The following SLC25A48 variants were observed in gnomAD, a reference collection of about 807,000 sequenced individuals.
SLC25A48 encodes the protein solute carrier family 25 member 48, also known as CTC-321K16.1.
Under a neutral mutation model 32.2 loss-of-function variants are expected in SLC25A48, and 29 were observed. The ratio of observed to expected loss-of-function variants is 0.90; its 90% CI spans 0.67 to 1.23. The LOEUF (loss-of-function observed/expected upper bound fraction) is 1.23, where lower values mean the gene tolerates loss of function less well. Among genes scored for constraint, SLC25A48 ranks in the 50% most tolerant of loss-of-function variants. SLC25A48 has a pLI of 0.00. For synonymous variants in SLC25A48, 164 were observed against 172.3 expected, an observed-to-expected ratio of 0.95 and a Z score of 0.38; for missense variants, 399 against 422.7, an observed-to-expected ratio of 0.94 and a Z score of 0.49.
chr5:135,597,714 C>T (rs1206496713), intron 1 of SLC25A48, among the ~76,000 whole-genome samples: 1 of 152,148 alleles, frequency 6.6e-6, no homozygotes, highest in East Asian at 1.9e-4. Flanking sequence ...TTTCCAAAGT[C>T]CCCACCTAGC....
chr5:135,714,488 C>T (rs1009940647), intron 3 of SLC25A48, among the ~76,000 whole-genome samples: 5 of 152,184 alleles, frequency 3.3e-5, no homozygotes, highest in African/African-American at 1.2e-4. Context: ...CCCACCATGT[C>T]GGGCTTGCAG....
intron 3 of SLC25A48, among the ~76,000 whole-genome samples, chr5:135,702,472 C>T (rs186205197): frequency 6.6e-6 from 1 of 152,358 alleles, no homozygotes; most frequent in Non-Finnish European, 1.5e-5. Flanking sequence ...AGAGCGGATT[C>T]TTCCCTGGGA....
intron 3 of SLC25A48, among the ~76,000 whole-genome samples, chr5:135,673,429 T>G (rs376152813): frequency 6.6e-6 from 1 of 152,302 alleles, no homozygotes; most frequent in East Asian, 1.9e-4. Context: ...TGTGAAAGTG[T>G]AGTGGTTTCT....
chr5:135,660,236 T>C (rs561178529), intron 3 of SLC25A48, among the ~76,000 whole-genome samples: 216 of 152,332 alleles, frequency 1.4e-3, no homozygotes, highest in Non-Finnish European at 2.8e-3. Flanking sequence ...TCCCCCATGA[T>C]AACATCTTGC....
chr5:135,657,013 A>G (rs1753267363), intron 3 of SLC25A48, among the ~76,000 whole-genome samples: 1 of 152,192 alleles, frequency 6.6e-6, no homozygotes, highest in Non-Finnish European at 1.5e-5. Flanking sequence ...TCTCAGGGTG[A>G]GCAGTTTGCC....
At chr5:135,673,447 AT>A (rs1391411143) in intron 3 of SLC25A48, among the ~76,000 whole-genome samples, 1 of 152,062 alleles carries the variant, frequency 6.6e-6, no homozygotes, top group Non-Finnish European at 1.5e-5. Flanking sequence ...TCTCATTGTA[AT>A]TTTCATTTGT....
chr5:135,734,136 G>A, intron 3 of SLC25A48, among the ~76,000 whole-genome samples: 1 of 152,146 alleles, frequency 6.6e-6, no homozygotes, highest in Admixed American at 6.5e-5. Context: ...GGGTAAGGGT[G>A]ATTAGGTTTT....
chr5:135,858,267 ATT>A (rs556464043), intron 4 of SLC25A48, among the ~76,000 whole-genome samples: 10 of 152,280 alleles, frequency 6.6e-5, no homozygotes, highest in Non-Finnish European at 1.5e-4. Context: ...GCAGGCAAAT[ATT>A]TCTCAACCCT....
intron 3 of SLC25A48, among the ~76,000 whole-genome samples, chr5:135,728,255 CAAAAA>C (rs10578008): frequency 7.6e-6 from 1 of 131,278 alleles, no homozygotes. Flanking sequence ...GACTCTGTCT[CAAAAA>C]AAAAAAAAAA....
chr5:135,788,588 C>A (rs1752781572), intron 3 of SLC25A48, among the ~76,000 whole-genome samples: 2 of 150,798 alleles, frequency 1.3e-5, no homozygotes, highest in South Asian at 2.1e-4. Context: ...GGTGTACACA[C>A]CCCCGCCCTA....
intron 3 of SLC25A48, among the ~76,000 whole-genome samples, chr5:135,794,257 G>A (rs546418179): frequency 4.0e-5 from 6 of 151,102 alleles, no homozygotes; most frequent in Non-Finnish European, 8.9e-5. Context: ...AGTGGATGAT[G>A]TTACTCCCAA....
At chr5:135,741,354 A>G (rs1755497669) in intron 3 of SLC25A48, among the ~76,000 whole-genome samples, 1 of 152,144 alleles carries the variant, frequency 6.6e-6, no homozygotes. Context: ...TCCAGCAAAC[A>G]TTTTCCGCAA....
At chr5:135,757,607 AGAT>A (rs376187490) in intron 3 of SLC25A48, among the ~76,000 whole-genome samples, 10 of 149,602 alleles carry the variant, frequency 6.7e-5, no homozygotes, top group South Asian at 4.4e-4. Context: ...AATATCTTCT[AGAT>A]GATATTAATA....
chr5:135,613,986 T>G (rs1275019249), intron 1 of SLC25A48, among the ~76,000 whole-genome samples: 1 of 152,162 alleles, frequency 6.6e-6, no homozygotes, highest in Non-Finnish European at 1.5e-5. Context: ...AAAATGACAT[T>G]GTTATTTTGA....
chr5:135,626,566 C>CTGTG (rs138468493), intron 1 of SLC25A48, among the ~76,000 whole-genome samples: 1 of 151,684 alleles, frequency 6.6e-6, no homozygotes, highest in African/African-American at 2.4e-5. Flanking sequence ...AAGTGTGTGT[C>CTGTG]TGTGTGTGTG....
chr5:135,792,371 C>T (rs945584126), intron 3 of SLC25A48, among the ~76,000 whole-genome samples: 2 of 151,682 alleles, frequency 1.3e-5, no homozygotes, highest in Non-Finnish European at 1.5e-5. Context: ...TGTGTGTACA[C>T]CACAGGGGGT....
At chr5:135,854,730 T>C (rs1451304522) in intron 4 of SLC25A48, among the ~76,000 whole-genome samples, 1 of 152,250 alleles carries the variant, frequency 6.6e-6, no homozygotes, top group South Asian at 2.1e-4. Context: ...TGTGTGTTCA[T>C]TGGAGTAGTG....
At chr5:135,831,833 G>A (rs1758217983), upstream of SLC25A48, among the ~76,000 whole-genome samples, 1 of 152,210 alleles carries the variant, frequency 6.6e-6, no homozygotes, top group Non-Finnish European at 1.5e-5. Flanking sequence ...GAAGCTCACT[G>A]GGGCAGTAGG....
At chr5:135,876,652 T>C (rs1762083033) in intron 6 of SLC25A48, among the ~76,000 whole-genome samples, 1 of 152,216 alleles carries the variant, frequency 6.6e-6, no homozygotes, top group Non-Finnish European at 1.5e-5. Flanking sequence ...TAAAGTTTCT[T>C]GTGATACATT....
Sources: allele counts gnomAD v4.1 joint callset (sites outside exome capture counted in the v4.1 genomes callset), GRCh38; gene constraint gnomAD v4.1.1; transcripts MANE v1.5; gene names NCBI Gene and HGNC (gene_info 2026-07-23, HGNC 2026-07-21).